STK10: variants seen among roughly 807,000 people sequenced by gnomAD.
STK10 encodes serine/threonine kinase 10.
Under a neutral mutation model 113.8 loss-of-function variants are expected in STK10, and 78 were observed. The ratio of observed to expected loss-of-function variants is 0.69; its 90% confidence interval spans 0.57 to 0.83. The LOEUF (loss-of-function observed/expected upper bound fraction) is 0.83. STK10 is among the 40% of genes least tolerant of loss of function. The probability of loss-of-function intolerance (pLI) is 0.00; values close to 1 mark genes in which losing one functional copy is unlikely to be tolerated. For synonymous variants in STK10, 465 were observed against 494.7 expected (o/e 0.94, Z 0.80); for missense variants, 1,109 against 1,280.1 (o/e 0.87, Z 2.04).
intron 2 of STK10, among the ~76,000 whole-genome samples, chr5:172,136,561 C>T (rs1420894684): frequency 1.3e-5 from 2 of 152,176 alleles, no homozygotes; most frequent in Non-Finnish European, 2.9e-5. Flanking sequence ...CGCGCCACTG[C>T]ACTCCAGCCT....
chr5:172,161,034 T>C (rs1436726042), intron 1 of STK10, among the ~76,000 whole-genome samples: 2 of 152,164 alleles, frequency 1.3e-5, no homozygotes, highest in African/African-American at 4.8e-5. Context: ...ACCCTCTCCC[T>C]GGCCAGCTCA....
intron 17 of STK10, 48 bp downstream of exon 17, chr5:172,054,521 G>A (rs781142693): frequency 6.3e-7 from 1 of 1,591,036 alleles, no homozygotes; most frequent in South Asian, 1.1e-5. Flanking sequence ...TGGCCTTGGG[G>A]AAACTGAGGC....
intron 15 of STK10, 113 bp downstream of exon 15, chr5:172,057,236 G>A (rs1767825410): frequency 2.7e-6 from 4 of 1,463,112 alleles, no homozygotes; most frequent in Non-Finnish European, 3.7e-6. Context: ...TCCTCTTGGG[G>A]GCACTTGTCA....
At chr5:172,130,379 A>T (rs1325325400) in intron 2 of STK10, among the ~76,000 whole-genome samples, 1 of 152,110 alleles carries the variant, frequency 6.6e-6, no homozygotes, top group Non-Finnish European at 1.5e-5. Flanking sequence ...AAAAATACAA[A>T]AAGTAGCCAG....
intron 7 of STK10, among the ~76,000 whole-genome samples, chr5:172,102,672 G>A (rs1005751041): frequency 2.3e-4 from 35 of 152,272 alleles, no homozygotes; most frequent in African/African-American, 8.2e-4. Context: ...GATGTGTTCA[G>A]TGAGACCAAC....
rs923480856 is a variant in STK10, at chr5:172,187,671, C to T, written c.156+216G>A. Among the ~76,000 whole-genome samples, 2 of 152,224 alleles carry T rather than the reference C, an allele frequency of 1.3e-5. No homozygotes were observed. Among genetic ancestry groups the T allele is most frequent in the Non-Finnish European group, 2.9e-5 (2 of 68,034 alleles). On this transcript the variant is annotated intron_variant, in intron 1 of 18. Transcript: ENST00000176763. The surrounding 1 kb of genome is among the most constrained non-coding windows in gnomAD (Gnocchi z 4.6). Reference sequence around the variant, plus strand: ...AACAGGGCTAGGGTGGGGGCGGCAACCGTGCCCGGAGGGGGCGCCCAGAGC... The same window carrying T: ...AACAGGGCTAGGGTGGGGGCGGCAATCGTGCCCGGAGGGGGCGCCCAGAGC...
In STK10 at chr5:172,127,280, T is replaced by A. The variant is rs563568051; in HGVS notation, c.370+93A>T. On this transcript the variant is annotated intron_variant, in intron 3 of 18. Transcript: ENST00000176763. The stretch of plus-strand genomic sequence containing the variant: ...AACTGATGGAATGGGAGAGTGGAGG[T>A]CCCAGTCCTAGACAGAGCTGTCCAG... 75 of 1,397,532 alleles carry A rather than the reference T, an allele frequency of 5.4e-5. 1 individual carries two copies. In the East Asian group the frequency reaches 1.6e-3, roughly 30 times the overall value. 86.6% of individuals were successfully genotyped at this position (1,397,532 alleles called of 1,614,324 possible).
chr5:172,176,910 A>T (rs1037371041), intron 1 of STK10, among the ~76,000 whole-genome samples: 1 of 152,198 alleles, frequency 6.6e-6, no homozygotes, highest in Non-Finnish European at 1.5e-5. Context: ...GCGGTGGCTC[A>T]CGCCTGTAAT....
chr5:172,053,448 C>T (rs1767676772), intron 17 of STK10, among the ~76,000 whole-genome samples: 1 of 152,038 alleles, frequency 6.6e-6, no homozygotes, highest in Non-Finnish European at 1.5e-5. Context: ...TTTGTTATGG[C>T]AGCCCGAGCT....
Position 172,188,003 on chromosome 5 carries a change from T to C in STK10, c.40A>G (p.Thr14Ala). 4 of 1,613,166 alleles carry C rather than the reference T, an allele frequency of 2.5e-6. No individual in the cohort carries two copies. Among genetic ancestry groups the C allele is most frequent in the Non-Finnish European group, 2.5e-6 (3 of 1,179,710 alleles). The part of the protein sequence containing the change: ...ANFRRILRLS[T>A]FEKRKSREYE... ...TCGCGGGACTTTCTCTTCTCGAAGG[T>C]AGACAGGCGCAGGATGCGGCGGAAA... is the stretch of plus-strand genomic sequence containing the variant. Residue 14 changes from threonine (T) to alanine (A), a missense_variant, in exon 1 of 19, where the codon ACC (threonine) becomes GCC (alanine). Physicochemically the swap from Thr to Ala is moderately conservative, Grantham distance 58. Transcript: ENST00000176763. This position sits in a 1 kb window ranked among gnomAD's most constrained non-coding sequence, Gnocchi z 5.6.
At chr5:172,104,149 C>T (rs1300397932) in intron 7 of STK10, among the ~76,000 whole-genome samples, 2 of 152,264 alleles carry the variant, frequency 1.3e-5, no homozygotes, top group Non-Finnish European at 2.9e-5. Context: ...CCTTCCTCCC[C>T]TTCCTGCCAC....
chr5:172,083,282 C>T (rs765107605), intron 10 of STK10, among the ~76,000 whole-genome samples, 198 bp from the exon 11 acceptor site: 1 of 151,922 alleles, frequency 6.6e-6, no homozygotes, highest in South Asian at 2.1e-4. Context: ...ATAAAGAGTG[C>T]TTACAAATCA....
At chr5:172,119,585 C>T (rs997972508) in intron 3 of STK10, among the ~76,000 whole-genome samples, 1 of 152,060 alleles carries the variant, frequency 6.6e-6, no homozygotes, top group Non-Finnish European at 1.5e-5. Flanking sequence ...ACAAAATAGG[C>T]CAGGCGCGGT....
rs567455759 is a variant in STK10 at position 172,074,937 on chromosome 5, C to T, written c.1989+7389G>A. ...GGGAGGCTGAGGCAGGAGGATTGCT[C>T]GAACCCACGAGCTGCAGGGTGCAAG... is the stretch of plus-strand genomic sequence containing the variant. On this transcript the variant is annotated intron_variant, in intron 12 of 18. Transcript: ENST00000176763. Among the ~76,000 whole-genome samples the T allele has an allele frequency of 1.4e-4, 21 of 150,168 alleles. 1 individual carries two copies. Among genetic ancestry groups the T allele is most frequent in the African/African-American group, 4.7e-4 (19 of 40,014 alleles).
chr5:172,126,837 G>A (rs781158499), intron 3 of STK10, among the ~76,000 whole-genome samples: 4 of 152,124 alleles, frequency 2.6e-5, no homozygotes, highest in Non-Finnish European at 5.9e-5. Flanking sequence ...TTTACCTCCT[G>A]AGAGTGTGTG....
At chr5:172,184,086 G>C (rs1770911069) in intron 1 of STK10, among the ~76,000 whole-genome samples, 1 of 152,138 alleles carries the variant, frequency 6.6e-6, no homozygotes, top group African/African-American at 2.4e-5. Context: ...AAGAAAAACA[G>C]TGCTACTGGC....
chr5:172,071,183 T>C (rs543765107), intron 12 of STK10, among the ~76,000 whole-genome samples: 2 of 116,724 alleles, frequency 1.7e-5, no homozygotes, highest in East Asian at 5.0e-4. Flanking sequence ...CTCTCCAGCC[T>C]GGGCGACAGA....
At chr5:172,164,644 C>G (rs753463933) in intron 1 of STK10, among the ~76,000 whole-genome samples, 3 of 152,150 alleles carry the variant, frequency 2.0e-5, no homozygotes, top group Non-Finnish European at 2.9e-5. Context: ...CAGTCTCCCC[C>G]CTATATGGGG....
intron 1 of STK10, among the ~76,000 whole-genome samples, chr5:172,172,653 G>A (rs1016442422): frequency 2.6e-5 from 4 of 152,200 alleles, no homozygotes; most frequent in Non-Finnish European, 5.9e-5. Context: ...GCTGAGCTGC[G>A]ACTTGTAAGA....
Sources: gnomAD v4.1 joint callset for allele counts (sites outside exome capture counted in the v4.1 genomes callset) on GRCh38, gnomAD v4.1.1 for gene constraint, Gnocchi (gnomAD v3.1) non-coding constraint, MANE v1.5 for transcripts, NCBI Gene and HGNC (gene_info 2026-07-23, HGNC 2026-07-21) for gene names.